LIPC: variants seen among roughly 807,000 people sequenced by gnomAD.
The protein encoded by LIPC is hepatic triacylglycerol lipase.
Under a neutral mutation model 50.7 loss-of-function variants are expected in LIPC, and 44 were observed. That is an observed-to-expected ratio of 0.87 (90% CI 0.68 to 1.11). LIPC has a LOEUF of 1.11. Among genes scored for constraint, LIPC ranks in the 50% most tolerant of loss-of-function variants. LIPC has a pLI of 0.00. For synonymous variants in LIPC, 271 were observed against 256.4 expected (o/e 1.06, Z -0.54); for missense variants, 697 against 648.2 (o/e 1.08, Z -0.82).
At chr15:58,563,414 C>A in intron 7 of LIPC, 91 bp from the exon 8 acceptor site, 1 of 1,096,806 alleles carries the variant, frequency 9.1e-7, no homozygotes, top group Non-Finnish European at 1.4e-6. Context: ...CCAAGTCATT[C>A]AGGGAAACAC....
Position 58,508,671 on chromosome 15 carries a change from A to G in LIPC, c.89-29662A>G, listed in dbSNP as rs956210478. On this transcript the variant is annotated intron_variant, in intron 1 of 8. Coordinates refer to ENST00000299022, the MANE Select transcript of LIPC (RefSeq NM_000236.3). ...TCCCCAAACTCTATGCTGGGGGCTG[A>G]GGGAGAGTCCTTACGACTGACATAG... is the stretch of plus-strand genomic sequence containing the variant. Among the ~76,000 whole-genome samples, 9 of 152,292 alleles carry G rather than the reference A, an allele frequency of 5.9e-5. No homozygotes were observed. In the East Asian group the frequency reaches 1.7e-3, roughly 29 times the overall value.
At chr15:58,507,924 C>A (rs1310748751) in intron 1 of LIPC, among the ~76,000 whole-genome samples, 1 of 152,138 alleles carries the variant, frequency 6.6e-6, no homozygotes, top group African/African-American at 2.4e-5. Context: ...ACTTGGGGAA[C>A]TTACAATGGC....
At chr15:58,511,485 A>G (rs1189584098) in intron 1 of LIPC, among the ~76,000 whole-genome samples, 2 of 152,214 alleles carry the variant, frequency 1.3e-5, no homozygotes, top group East Asian at 3.8e-4. Context: ...AGGAACATGA[A>G]TGATAAATAC....
In LIPC at chr15:58,547,852, C is replaced by T. The variant is rs144554638; in HGVS notation, c.809-478C>T. Among the ~76,000 whole-genome samples, 1,016 of 152,100 alleles carry T rather than the reference C, an allele frequency of 6.7e-3. 13 individuals are homozygous for T. The highest frequency in any genetic ancestry group is 0.023 in the African/African-American group (964 of 41,460). ...CGTTCTCCAGACCATCAGAGTGCCA[C>T]GGGATTGTCTCGTGTATCTAGTTAT... On this transcript the variant is annotated intron_variant, in intron 5 of 8. Transcript: ENST00000299022.
intron 1 of LIPC, among the ~76,000 whole-genome samples, chr15:58,480,048 G>A (rs1348928713): frequency 6.6e-6 from 1 of 152,180 alleles, no homozygotes; most frequent in Non-Finnish European, 1.5e-5. Context: ...TCAGTTTCTT[G>A]TATGGTATCT....
chr15:58,436,698 G>A lies in LIPC; in HGVS notation c.88+4578G>A, dbSNP rs564121304. ...TATCAGCTAGAACAGAACATGGCAT[G>A]AGATGAGGACCATGAGAGAGGAATG... On this transcript the variant is annotated intron_variant, in intron 1 of 8. Transcript: ENST00000299022. 5.9e-4 allele frequency: 269 copies of A among 456,230 alleles called. 3 individuals carry two copies. The highest frequency in any genetic ancestry group is 4.0e-3 in the South Asian group (257 of 64,566). 28.3% of individuals were successfully genotyped at this position (456,230 alleles called of 1,614,324 possible).
rs747125166 is a variant in LIPC at position 58,545,808 on chromosome 15, C to T, written c.641C>T (p.Ala214Val). 5.0e-6 allele frequency: 8 copies of T among 1,614,208 alleles called. No homozygotes were observed. Among genetic ancestry groups the T allele is most frequent in the Non-Finnish European group, 5.1e-6 (6 of 1,180,038 alleles). The change falls in exon 5 of 9, where the codon GCC (alanine) becomes GTC (valine). Residue 214 changes from alanine to valine, a missense_variant. Ala to Val is a moderately conservative substitution (Grantham distance 64). Transcript: ENST00000299022. ...AGCAATCGTCTTTCTCCAGATGATG[C>T]CAATTTTGTGGATGCCATTCATACC... is the stretch of plus-strand genomic sequence containing the variant. Reference protein sequence around the residue: ...APSNRLSPDDANFVDAIHTFT... With the variant: ...APSNRLSPDDVNFVDAIHTFT...
chr15:58,487,958 C>A (rs1393058548), intron 1 of LIPC, among the ~76,000 whole-genome samples: 1 of 152,210 alleles, frequency 6.6e-6, no homozygotes, highest in Non-Finnish European at 1.5e-5. Context: ...CTACTCAACT[C>A]TGAGCTTCAG....
chr15:58,531,644 A>C (rs1196062320), intron 1 of LIPC, among the ~76,000 whole-genome samples: 2 of 149,464 alleles, frequency 1.3e-5, no homozygotes, highest in African/African-American at 4.9e-5. Flanking sequence ...AAAAAAAAAA[A>C]CCCCAGAATA....
chr15:58,440,159 A>C (rs548144035), intron 1 of LIPC, among the ~76,000 whole-genome samples: 12 of 152,398 alleles, frequency 7.9e-5, no homozygotes, highest in Non-Finnish European at 1.0e-4. Flanking sequence ...TGAAATGAAC[A>C]AAAATTCCCA....
intron 7 of LIPC, among the ~76,000 whole-genome samples, chr15:58,562,407 G>C (rs143889538): frequency 2.0e-5 from 3 of 152,134 alleles, no homozygotes; most frequent in Non-Finnish European, 4.4e-5. Context: ...AAATTCAAGT[G>C]GTATCTTTTG....
At chr15:58,501,852 T>C (rs1465100997) in intron 1 of LIPC, among the ~76,000 whole-genome samples, 1 of 152,094 alleles carries the variant, frequency 6.6e-6, no homozygotes, top group Non-Finnish European at 1.5e-5. Context: ...AGCCTCTGCC[T>C]CTCCACCCTT....
chr15:58,565,852 A>G (rs1240754424), intron 8 of LIPC: 2 of 982,492 alleles, frequency 2.0e-6, no homozygotes, highest in Non-Finnish European at 2.4e-6. Flanking sequence ...AATTTTTTTT[A>G]GGTTGTAAAT....
intron 1 of LIPC, among the ~76,000 whole-genome samples, chr15:58,503,217 C>T (rs1892043357): frequency 6.6e-6 from 1 of 152,206 alleles, no homozygotes. Flanking sequence ...CCCAGAGTCA[C>T]ACAGCCTCTT....
intron 1 of LIPC, among the ~76,000 whole-genome samples, chr15:58,517,243 C>T (rs1237060866): frequency 2.0e-5 from 3 of 152,224 alleles, no homozygotes; most frequent in Admixed American, 2.0e-4. Flanking sequence ...TGACCAATAC[C>T]CAATGTTGTT....
At chr15:58,452,059 T>C (rs1410262071) in intron 1 of LIPC, among the ~76,000 whole-genome samples, 2 of 152,194 alleles carry the variant, frequency 1.3e-5, no homozygotes, top group South Asian at 2.1e-4. Context: ...CACACTTTCA[T>C]TGGCATCCTA....
intron 1 of LIPC, among the ~76,000 whole-genome samples, chr15:58,491,683 C>G (rs1191272089): frequency 6.6e-6 from 1 of 152,208 alleles, no homozygotes; most frequent in East Asian, 1.9e-4. Flanking sequence ...TACTTTTATT[C>G]AGTGTGTGGT....
intron 1 of LIPC, among the ~76,000 whole-genome samples, chr15:58,482,082 A>G (rs1033441418): frequency 2.0e-5 from 3 of 152,190 alleles, no homozygotes; most frequent in South Asian, 4.1e-4. Context: ...TAGCAAGTGC[A>G]TGCATTATCT....
At chr15:58,532,370 C>A (rs1020239231) in intron 1 of LIPC, among the ~76,000 whole-genome samples, 4 of 152,136 alleles carry the variant, frequency 2.6e-5, no homozygotes, top group African/African-American at 7.2e-5. Context: ...GACAGAGCTG[C>A]GGTTACATTT....
Sources: allele counts gnomAD v4.1 joint callset (sites outside exome capture counted in the v4.1 genomes callset), GRCh38; gene constraint gnomAD v4.1.1; transcripts MANE v1.5; gene names NCBI Gene and HGNC (gene_info 2026-07-23, HGNC 2026-07-21).